SLC8A1: variants seen among roughly 807,000 people sequenced by gnomAD.
SLC8A1 encodes the protein solute carrier family 8 member A1.
A neutral mutation model predicts 68.3 loss-of-function variants in SLC8A1; 18 were observed. The observed-to-expected ratio is 0.26, with a 90% confidence interval of 0.18 to 0.39. The LOEUF (loss-of-function observed/expected upper bound fraction) is 0.39, where lower values mean the gene tolerates loss of function less well. Ranked by LOEUF, SLC8A1 falls within the 10% of genes least tolerant of loss-of-function variation. The pLI is 1.00. For synonymous variants in SLC8A1, 475 were observed against 415.5 expected, an observed-to-expected ratio of 1.14 and a Z score of -1.74; for missense variants, 985 against 1,156.7, an observed-to-expected ratio of 0.85 and a Z score of 2.15.
rs542377184 is a variant in SLC8A1 at position 40,383,222 on chromosome 2, CA to C, written c.1808+45250del. 3.9e-5 allele frequency among the ~76,000 whole-genome samples: 6 copies of C among 152,188 alleles called. No homozygotes were observed. In the South Asian group the frequency reaches 8.3e-4, roughly 21 times the overall value. On this transcript the variant is annotated intron_variant, in intron 2 of 7. Transcript: ENST00000406785. ...GGAGCAAAGTTTCATGAATTTTTCACATTTTTTTGAAATTTGGAGAGGCTAT... is the reference window on the plus strand; with the variant it reads ...GGAGCAAAGTTTCATGAATTTTTCACTTTTTTTGAAATTTGGAGAGGCTAT...
chr2:40,355,043 G>A (rs1473204763), intron 2 of SLC8A1, among the ~76,000 whole-genome samples: 5 of 152,210 alleles, frequency 3.3e-5, no homozygotes, highest in East Asian at 1.9e-4. Flanking sequence ...TCTCAAATAC[G>A]TATGGGAAAT....
At chr2:40,507,617 C>A (rs1706452722) in intron 1 of SLC8A1, among the ~76,000 whole-genome samples, 1 of 152,030 alleles carries the variant, frequency 6.6e-6, no homozygotes, top group African/African-American at 2.4e-5. Flanking sequence ...CAGTGTAGAA[C>A]AGAGCTTAAA....
intron 1 of SLC8A1, among the ~76,000 whole-genome samples, chr2:40,511,083 A>G (rs941922472): frequency 6.6e-6 from 1 of 152,182 alleles, no homozygotes; most frequent in African/African-American, 2.4e-5. Flanking sequence ...CTTGCTTATT[A>G]ATAATTTTCC....
intron 2 of SLC8A1, among the ~76,000 whole-genome samples, chr2:40,184,297 T>C (rs1186265109): frequency 6.6e-6 from 1 of 152,154 alleles, no homozygotes; most frequent in African/African-American, 2.4e-5. Flanking sequence ...AAATAAAGAA[T>C]ATATAGAATT....
intron 1 of SLC8A1, chr2:40,512,337 C>T (rs1464409306): frequency 4.6e-5 from 7 of 152,268 alleles, no homozygotes; most frequent in African/African-American, 1.7e-4. Flanking sequence ...ATCACAAAAG[C>T]CCGGCACCTA....
intron 2 of SLC8A1, among the ~76,000 whole-genome samples, chr2:40,406,871 C>A (rs958071629): frequency 6.6e-6 from 1 of 152,154 alleles, no homozygotes; most frequent in Non-Finnish European, 1.5e-5. Context: ...TATGCATTCC[C>A]CCTATCTACG....
chr2:40,484,641 G>A (rs115627017), intron 1 of SLC8A1, among the ~76,000 whole-genome samples: 145 of 152,276 alleles, frequency 9.5e-4, no homozygotes, highest in Non-Finnish European at 1.6e-3. Flanking sequence ...ACCTACCTTC[G>A]GAAACGTTAA....
intron 7 of SLC8A1, among the ~76,000 whole-genome samples, chr2:40,124,875 CCTA>C (rs1358042292): frequency 6.6e-6 from 1 of 152,178 alleles, no homozygotes; most frequent in African/African-American, 2.4e-5. Flanking sequence ...TGTAACTATG[CCTA>C]CTATTAGTCC....
chr2:40,291,105 G>A lies in SLC8A1; in HGVS notation c.1809-113250C>T, dbSNP rs554039847. 3.3e-5 allele frequency among the ~76,000 whole-genome samples: 5 copies of A among 152,270 alleles called. No individual in the cohort carries two copies. The South Asian group carries it at 1.0e-3, about 32-fold the overall frequency. ...TACAAACTATAGTTTTATTTATAAG[G>A]GAACTGGATGTAGGCGACTTCTTTC... On this transcript the variant is annotated intron_variant, in intron 2 of 7. Transcript: ENST00000406785.
At chr2:40,167,515 G>T (rs1052677560) in intron 4 of SLC8A1, among the ~76,000 whole-genome samples, 2 of 152,186 alleles carry the variant, frequency 1.3e-5, no homozygotes, top group East Asian at 3.9e-4. Context: ...AAAGCAGTAT[G>T]GGAATGACAA....
intron 6 of SLC8A1, among the ~76,000 whole-genome samples, chr2:40,154,528 C>T (rs1185489381): frequency 2.1e-5 from 3 of 141,250 alleles, no homozygotes; most frequent in Non-Finnish European, 3.0e-5. Context: ...GGGGTTTCAC[C>T]GTGTTAGCCA....
At chr2:40,478,758 A>G (rs1704445611) in intron 1 of SLC8A1, among the ~76,000 whole-genome samples, 1 of 150,272 alleles carries the variant, frequency 6.7e-6, no homozygotes, top group Non-Finnish European at 1.5e-5. Context: ...TTCATTTTCA[A>G]CCACCTAATT....
At chr2:40,388,152 C>T (rs549050401) in intron 2 of SLC8A1, among the ~76,000 whole-genome samples, 1 of 152,088 alleles carries the variant, frequency 6.6e-6, no homozygotes, top group East Asian at 1.9e-4. Flanking sequence ...ATGAGTAGTG[C>T]CCCTTAGAAA....
chr2:40,448,632 T>C (rs935164767), intron 1 of SLC8A1, among the ~76,000 whole-genome samples: 6 of 152,150 alleles, frequency 3.9e-5, no homozygotes, highest in Non-Finnish European at 8.8e-5. Flanking sequence ...TGATGTCAGA[T>C]AGGATTCTGG....
intron 2 of SLC8A1, among the ~76,000 whole-genome samples, chr2:40,270,646 A>G (rs149327629): frequency 1.6e-4 from 24 of 152,350 alleles, no homozygotes; most frequent in Admixed American, 1.3e-3. Context: ...GAACCACTGA[A>G]AAATCCAGAA....
upstream of SLC8A1, among the ~76,000 whole-genome samples, chr2:40,452,320 G>A (rs1410506389): frequency 6.6e-6 from 1 of 151,942 alleles, no homozygotes; most frequent in African/African-American, 2.4e-5. Context: ...GGCAAAGCCG[G>A]CGCGTTTCTG....
At chr2:40,098,067 T>G (rs2033679671) in exon 8 of SLC8A1, 1 of 152,004 alleles carries the variant, frequency 6.6e-6, no homozygotes, top group Non-Finnish European at 1.5e-5. Context: ...AAAAATACAT[T>G]TTATACAATA....
At chr2:40,274,048 A>G (rs35812529) in intron 2 of SLC8A1, among the ~76,000 whole-genome samples, 71,118 of 150,656 alleles carry the variant, frequency 0.47, 18,385 homozygotes, top group East Asian at 0.72. Context: ...GCCTTATAAA[A>G]AAGGCATCGA....
chr2:40,308,551 T>G (rs540372939), intron 2 of SLC8A1, among the ~76,000 whole-genome samples: 1 of 152,202 alleles, frequency 6.6e-6, no homozygotes, highest in African/African-American at 2.4e-5. Flanking sequence ...TCTTAAGTGA[T>G]GTTTAAGGCT....
Sources: allele counts gnomAD v4.1 joint callset (sites outside exome capture counted in the v4.1 genomes callset), GRCh38; gene constraint gnomAD v4.1.1; transcripts MANE v1.5; gene names NCBI Gene and HGNC (gene_info 2026-07-23, HGNC 2026-07-21).